The following CDK15 variants were observed in gnomAD, a reference collection of about 807,000 sequenced individuals.
CDK15 encodes cyclin-dependent kinase 15.
CDK15 carries 62 observed loss-of-function variants against 60.3 expected under a neutral mutation model. The ratio of observed to expected loss-of-function variants is 1.03; its 90% CI spans 0.84 to 1.27. The LOEUF (loss-of-function observed/expected upper bound fraction) is 1.27, where lower values mean the gene tolerates loss of function less well. Ranked by LOEUF, CDK15 falls within the 50% of genes most tolerant of loss-of-function variation. The probability of loss-of-function intolerance (pLI) is 0.00; values close to 1 mark genes in which losing one functional copy is unlikely to be tolerated. For missense variants in CDK15, 541 were observed against 527.8 expected (o/e 1.03, Z -0.25); for synonymous variants, 194 against 195.7 (o/e 0.99, Z 0.07).
At chr2:201,860,434 A>G (rs1163685362) in intron 10 of CDK15, among the ~76,000 whole-genome samples, 1 of 152,208 alleles carries the variant, frequency 6.6e-6, no homozygotes, top group Non-Finnish European at 1.5e-5. Context: ...TTGTTCCCAT[A>G]AAGAAGGGAA....
chr2:201,872,901 C>A (rs1698911988), intron 11 of CDK15, among the ~76,000 whole-genome samples: 1 of 152,124 alleles, frequency 6.6e-6, no homozygotes, highest in South Asian at 2.1e-4. Context: ...ATTACAATAA[C>A]CAGTATTATT....
chr2:201,874,612 G>A (rs942037557), intron 11 of CDK15, among the ~76,000 whole-genome samples: 3 of 152,108 alleles, frequency 2.0e-5, no homozygotes, highest in Non-Finnish European at 4.4e-5. Flanking sequence ...ACAAGCAGCC[G>A]AAGTGTCACT....
At chr2:201,858,642 G>A (rs1460991292) in intron 10 of CDK15, among the ~76,000 whole-genome samples, 2 of 152,136 alleles carry the variant, frequency 1.3e-5, no homozygotes, top group African/African-American at 4.8e-5. Context: ...CAGTGAGGGG[G>A]TTCTGACGAG....
At chr2:201,809,703 A>G (rs1263803339) in intron 3 of CDK15, among the ~76,000 whole-genome samples, 1 of 152,166 alleles carries the variant, frequency 6.6e-6, no homozygotes, top group Non-Finnish European at 1.5e-5. Context: ...TGGTCACTGT[A>G]CAAGACCCTA....
intron 8 of CDK15, among the ~76,000 whole-genome samples, chr2:201,837,185 G>A (rs1697131709): frequency 6.6e-6 from 1 of 151,690 alleles, no homozygotes; most frequent in South Asian, 2.1e-4. Context: ...CACTTCAGGA[G>A]GCTGAAGTAG....
chr2:201,842,018 T>C (rs1462493723), intron 8 of CDK15, among the ~76,000 whole-genome samples: 1 of 152,206 alleles, frequency 6.6e-6, no homozygotes, highest in Non-Finnish European at 1.5e-5. Context: ...TTCATCACGA[T>C]TTTCAGGTGT....
chr2:201,863,724 T>C (rs1049310313), intron 10 of CDK15, among the ~76,000 whole-genome samples: 60 of 152,130 alleles, frequency 3.9e-4, no homozygotes, highest in African/African-American at 1.4e-3. Context: ...GGTGAAACCC[T>C]GTCTCTACTA....
rs568980635 is a variant in CDK15, at chr2:201,891,254, C to T, written c.*33+327C>T. On this transcript the variant is annotated intron_variant, in intron 13 of 13. Transcript: ENST00000652192. Reference sequence around the variant, plus strand: ...GGCAGAGGTTGCAGTGAGCCAAGATCGCACCACTGCACTCCTGGTGCGTCA... The same window carrying T: ...GGCAGAGGTTGCAGTGAGCCAAGATTGCACCACTGCACTCCTGGTGCGTCA... 3.9e-5 allele frequency among the ~76,000 whole-genome samples: 6 copies of T among 152,316 alleles called. No individual in the cohort carries two copies. In the East Asian group the frequency reaches 9.7e-4, roughly 25 times the overall value.
chr2:201,823,804 G>A (rs1290815187), intron 6 of CDK15, 77 bp downstream of exon 6: 12 of 1,258,104 alleles, frequency 9.5e-6, no homozygotes, highest in Non-Finnish European at 1.2e-5. Flanking sequence ...GTCTCACAAA[G>A]CAAAGTCCTA....
intron 12 of CDK15, 96 bp downstream of exon 12, chr2:201,880,263 A>C (rs1480692318): frequency 7.1e-7 from 1 of 1,412,096 alleles, no homozygotes; most frequent in Non-Finnish European, 9.6e-7. Flanking sequence ...TCAGCACCGG[A>C]GAATCATAGC....
intron 8 of CDK15, among the ~76,000 whole-genome samples, chr2:201,836,754 T>A (rs557774737): frequency 2.9e-4 from 43 of 150,318 alleles, no homozygotes; most frequent in Admixed American, 8.7e-4. Context: ...CACATCTGCA[T>A]GAACATACTC....
intron 8 of CDK15, among the ~76,000 whole-genome samples, chr2:201,837,207 G>A (rs1199141127): frequency 6.6e-6 from 1 of 151,670 alleles, no homozygotes; most frequent in Non-Finnish European, 1.5e-5. Flanking sequence ...AGGATCTCCT[G>A]AGCCTGAGAA....
chr2:201,877,354 C>T (rs571817612), intron 11 of CDK15, among the ~76,000 whole-genome samples: 5 of 152,242 alleles, frequency 3.3e-5, no homozygotes, highest in Admixed American at 1.3e-4. Flanking sequence ...GAGAACAAAT[C>T]GCTGATTGGG....
At chr2:201,807,103 T>G (rs1411182744) in intron 1 of CDK15, among the ~76,000 whole-genome samples, 3 of 152,164 alleles carry the variant, frequency 2.0e-5, no homozygotes, top group African/African-American at 7.2e-5. Context: ...GCAGTATTAG[T>G]TGGTATGCTA....
In CDK15 at chr2:201,812,666, AATACT is replaced by A. The variant is rs1559113478; in HGVS notation, c.448+108_448+112del. 1.6e-5 allele frequency: 9 copies of A among 556,998 alleles called. No homozygotes were observed. In the East Asian group the frequency reaches 2.5e-4, roughly 15 times the overall value. The allele number at this position is 556,998 out of a possible 1,614,324, so 34.5% of individuals were successfully genotyped here. ...CAGCATCTAGTTTTGATTCTTCTGG[AATACT>A]ATAATTACATTTTTATTTTTCATAC... On this transcript the variant is annotated intron_variant, in intron 4 of 13. Coordinates refer to ENST00000652192, the MANE Select transcript of CDK15 (RefSeq NM_001366386.2).
intron 10 of CDK15, among the ~76,000 whole-genome samples, chr2:201,870,503 G>GT (rs1698809884): frequency 7.7e-6 from 1 of 130,704 alleles, no homozygotes; most frequent in Admixed American, 8.6e-5. Context: ...GAGGCCAGGA[G>GT]TTTGAGACCA....
At chr2:201,877,381 G>T (rs1367124800) in intron 11 of CDK15, among the ~76,000 whole-genome samples, 1 of 152,116 alleles carries the variant, frequency 6.6e-6, no homozygotes, top group East Asian at 1.9e-4. Flanking sequence ...CTGTGGAGGT[G>T]GAAGTTGATA....
intron 8 of CDK15, among the ~76,000 whole-genome samples, chr2:201,840,854 TC>T (rs1313087214): frequency 6.6e-6 from 1 of 152,210 alleles, no homozygotes; most frequent in Non-Finnish European, 1.5e-5. Context: ...CTAGGAGGTG[TC>T]CAGTGTGGAT....
intron 6 of CDK15, among the ~76,000 whole-genome samples, chr2:201,825,040 C>T (rs140281029): frequency 0.021 from 3,266 of 152,188 alleles, 32 homozygotes; most frequent in Non-Finnish European, 0.033. Context: ...GTTAGCCTGG[C>T]GCGGTGGCTC....
Sources: gnomAD v4.1 joint callset for allele counts (sites outside exome capture counted in the v4.1 genomes callset) on GRCh38, gnomAD v4.1.1 for gene constraint, MANE v1.5 for transcripts, NCBI Gene and HGNC (gene_info 2026-07-23, HGNC 2026-07-21) for gene names.